Variants in PXDNL observed in about 807,000 individuals in gnomAD.
The protein encoded by PXDNL is probable oxidoreductase PXDNL.
PXDNL carries 145 observed loss-of-function variants against 150.8 expected under a neutral mutation model. The observed-to-expected ratio is 0.96, with a 90% confidence interval of 0.84 to 1.10. PXDNL has a LOEUF of 1.10. Among genes scored for constraint, PXDNL ranks in the 50% least tolerant of loss-of-function variants. The pLI is 0.00. For synonymous variants in PXDNL, 757 were observed against 725.7 expected (o/e 1.04, Z -0.69); for missense variants, 2,087 against 1,873.9 (o/e 1.11, Z -2.10).
intron 17 of PXDNL, among the ~76,000 whole-genome samples, chr8:51,407,354 T>C (rs1808465567): frequency 6.6e-6 from 1 of 152,244 alleles, no homozygotes; most frequent in South Asian, 2.1e-4. Flanking sequence ...CTTTGAAATA[T>C]TTCACAGAAA....
intron 1 of PXDNL, among the ~76,000 whole-genome samples, chr8:51,684,481 T>C (rs949809171): frequency 1.3e-5 from 2 of 152,178 alleles, no homozygotes; most frequent in Non-Finnish European, 2.9e-5. Flanking sequence ...CCCAACTCCA[T>C]TTTACACACT....
intron 12 of PXDNL, chr8:51,436,283 T>C (rs977921577): frequency 2.4e-5 from 12 of 492,770 alleles, no homozygotes; most frequent in Non-Finnish European, 4.9e-5. Context: ...GAAGAAGGTG[T>C]TGCTCTTGTA....
At chr8:51,730,237 C>T (rs1816893124) in intron 1 of PXDNL, among the ~76,000 whole-genome samples, 1 of 152,034 alleles carries the variant, frequency 6.6e-6, no homozygotes, top group Non-Finnish European at 1.5e-5. Context: ...TCTGTACTGT[C>T]CACTCAATTT....
chr8:51,744,115 A>AAAGAAAGAAAGG (rs2036944778), intron 1 of PXDNL, among the ~76,000 whole-genome samples: 1 of 112,330 alleles, frequency 8.9e-6, no homozygotes, highest in African/African-American at 3.1e-5. Flanking sequence ...AGAAAGAAAG[A>AAAGAAAGAAAGG]AAGAAAGGAA....
At position 51,797,834 on chromosome 8, in the gene PXDNL, T is replaced by G. The variant is rs192580429; in HGVS notation, c.164+11347A>C. Among the ~76,000 whole-genome samples, 4 of 152,256 alleles carry G rather than the reference T, an allele frequency of 2.6e-5. No homozygotes were observed. The East Asian group carries it at 7.7e-4, about 29-fold the overall frequency. ...AGTTAGAAAAAAAACTACTTTAAAA[T>G]TCATTTGGAACCAAAAAAGAGCCTG... On this transcript the variant is annotated intron_variant, in intron 1 of 22. Coordinates refer to ENST00000356297, the MANE Select transcript of PXDNL (RefSeq NM_144651.5).
intron 5 of PXDNL, among the ~76,000 whole-genome samples, chr8:51,488,386 T>A (rs2130207370): frequency 6.6e-6 from 1 of 152,176 alleles, no homozygotes; most frequent in South Asian, 2.1e-4. Flanking sequence ...GAAGTGAGAT[T>A]GCAAACAAGG....
intron 2 of PXDNL, among the ~76,000 whole-genome samples, chr8:51,594,751 C>A (rs993726465): frequency 1.6e-4 from 24 of 151,994 alleles, no homozygotes; most frequent in Non-Finnish European, 3.1e-4. Context: ...ATCAAAATAT[C>A]TTTATTATAA....
chr8:51,333,900 A>G (rs1805765740), intron 21 of PXDNL, among the ~76,000 whole-genome samples: 1 of 152,202 alleles, frequency 6.6e-6, no homozygotes, highest in Non-Finnish European at 1.5e-5. Flanking sequence ...TGACAGCACT[A>G]GACAGGTCAT....
intron 21 of PXDNL, among the ~76,000 whole-genome samples, chr8:51,333,197 CA>C (rs1805738313): frequency 1.3e-5 from 2 of 152,284 alleles, no homozygotes; most frequent in East Asian, 1.9e-4. Flanking sequence ...CCTCCTCAAA[CA>C]AAACAATCTT....
intron 19 of PXDNL, among the ~76,000 whole-genome samples, chr8:51,347,332 A>C (rs1016932994): frequency 2.0e-5 from 3 of 152,216 alleles, no homozygotes. Flanking sequence ...ATTTAGGATG[A>C]TTTTTAAAAT....
chr8:51,595,956 T>G (rs1269762888), intron 2 of PXDNL, among the ~76,000 whole-genome samples: 1 of 152,184 alleles, frequency 6.6e-6, no homozygotes, highest in Non-Finnish European at 1.5e-5. Flanking sequence ...GTTACCTCGG[T>G]ATATTGCATG....
At chr8:51,525,437 G>T (rs941475720) in intron 4 of PXDNL, among the ~76,000 whole-genome samples, 6 of 152,146 alleles carry the variant, frequency 3.9e-5, no homozygotes, top group Admixed American at 2.6e-4. Context: ...CTGCCCCTCG[G>T]TCTGCTTCGC....
intron 21 of PXDNL, among the ~76,000 whole-genome samples, chr8:51,321,933 T>G (rs2130601213): frequency 6.8e-6 from 1 of 147,992 alleles, no homozygotes; most frequent in South Asian, 2.1e-4. Context: ...TGTGACTATA[T>G]TTGGGCATAG....
intron 2 of PXDNL, among the ~76,000 whole-genome samples, chr8:51,596,168 G>A (rs1813560492): frequency 6.6e-6 from 1 of 152,092 alleles, no homozygotes; most frequent in Non-Finnish European, 1.5e-5. Flanking sequence ...TTTGGTTCAT[G>A]CATTAATTCA....
intron 2 of PXDNL, among the ~76,000 whole-genome samples, chr8:51,637,688 A>G (rs1210595181): frequency 6.6e-6 from 1 of 152,220 alleles, no homozygotes; most frequent in Admixed American, 6.5e-5. Context: ...CCTCCAAGAA[A>G]TATGGGACTA....
intron 1 of PXDNL, among the ~76,000 whole-genome samples, chr8:51,714,005 A>G (rs550341087): frequency 6.6e-6 from 1 of 152,334 alleles, no homozygotes; most frequent in African/African-American, 2.4e-5. Context: ...AATGAAGAAA[A>G]TTTTACAAAA....
At chr8:51,497,380 A>G (rs1811076050) in intron 5 of PXDNL, among the ~76,000 whole-genome samples, 1 of 152,224 alleles carries the variant, frequency 6.6e-6, no homozygotes, top group African/African-American at 2.4e-5. Context: ...ATGGGCAAGG[A>G]CTTCATGTCT....
chr8:51,498,898 T>C (rs947585083), intron 5 of PXDNL, among the ~76,000 whole-genome samples: 11 of 152,218 alleles, frequency 7.2e-5, no homozygotes, highest in Non-Finnish European at 1.6e-4. Context: ...CGTGTTGCAG[T>C]ATAGTATTAT....
intron 5 of PXDNL, among the ~76,000 whole-genome samples, chr8:51,486,794 A>ATTTTT (rs1195750381): frequency 1.6e-4 from 4 of 24,710 alleles, no homozygotes; most frequent in African/African-American, 7.0e-4. Context: ...ATATATATAT[A>ATTTTT]TTTTTTTTTT....
Sources: gnomAD v4.1 joint callset for allele counts (sites outside exome capture counted in the v4.1 genomes callset) on GRCh38, gnomAD v4.1.1 for gene constraint, MANE v1.5 for transcripts, NCBI Gene and HGNC (gene_info 2026-07-23, HGNC 2026-07-21) for gene names.